GRK5: variants seen among roughly 807,000 people sequenced by gnomAD.
The protein encoded by GRK5 is G protein-coupled receptor kinase 5.
A neutral mutation model predicts 78.4 loss-of-function variants in GRK5; 40 were observed. The observed-to-expected ratio is 0.51, with a 90% confidence interval of 0.40 to 0.66. The LOEUF (loss-of-function observed/expected upper bound fraction) is 0.66, where lower values mean the gene tolerates loss of function less well. GRK5 is among the 30% of genes least tolerant of loss of function. The pLI is 0.00. For synonymous variants in GRK5, 289 were observed against 296.8 expected (o/e 0.97, Z 0.27); for missense variants, 598 against 759.9 (o/e 0.79, Z 2.50).
chr10:119,424,968 C>T (rs368025216), intron 5 of GRK5, 25 bp from the exon 6 acceptor site: 105 of 1,499,942 alleles, frequency 7.0e-5, no homozygotes, highest in Non-Finnish European at 9.6e-5. Flanking sequence ...ATAAAATGTT[C>T]ATCCTCTTGT....
chr10:119,443,537 C>A lies in GRK5; in HGVS notation c.1058-7C>A. On this transcript the variant is annotated splice_polypyrimidine_tract_variant and splice_region_variant and intron_variant, in intron 11 of 15. Transcript: ENST00000392870. Reference sequence around the variant, plus strand: ...CCTCACTCCTCTCTCCTCTCCTCTGCCCCCAGCTCCAGAGGTCCTGAACAA... The same window carrying A: ...CCTCACTCCTCTCTCCTCTCCTCTGACCCCAGCTCCAGAGGTCCTGAACAA... The A allele has an allele frequency of 1.3e-6, 2 of 1,598,760 alleles. No individual in the cohort carries two copies. Among genetic ancestry groups the A allele is most frequent in the Non-Finnish European group, 1.7e-6 (2 of 1,167,632 alleles).
In GRK5 at chr10:119,439,713, T is replaced by A; in HGVS notation, c.930-18T>A. 1 of 1,613,980 alleles carries A rather than the reference T, an allele frequency of 6.2e-7. No individual in the cohort carries two copies. The highest frequency in any genetic ancestry group is 8.5e-7 in the Non-Finnish European group (1 of 1,179,854). ...CCCAGAATGCCCACACTCTGATGCTTGTTGTTTTTCCTTTCAGAGATCTGA... is the reference window on the plus strand; with the variant it reads ...CCCAGAATGCCCACACTCTGATGCTAGTTGTTTTTCCTTTCAGAGATCTGA... On this transcript the variant is annotated intron_variant, in intron 9 of 15. Transcript: ENST00000392870.
chr10:119,417,038 G>T (rs562310120), intron 4 of GRK5, among the ~76,000 whole-genome samples: 1 of 152,330 alleles, frequency 6.6e-6, no homozygotes, highest in South Asian at 2.1e-4. Context: ...GGCCGTTGGG[G>T]TGAAGGAGCA....
intron 9 of GRK5, 79 bp from the exon 10 acceptor site, chr10:119,439,652 C>A: frequency 2.1e-6 from 3 of 1,412,518 alleles, no homozygotes; most frequent in African/African-American, 1.4e-5. Context: ...CTGATTAGCC[C>A]GAGGGGTCGA....
intron 1 of GRK5, among the ~76,000 whole-genome samples, chr10:119,275,628 C>CAA (rs1239503022): frequency 6.6e-6 from 1 of 151,926 alleles, no homozygotes; most frequent in Non-Finnish European, 1.5e-5. Context: ...CACACACACA[C>CAA]ACACACACAC....
chr10:119,211,267 A>G (rs767137274), intron 1 of GRK5, among the ~76,000 whole-genome samples: 2 of 152,224 alleles, frequency 1.3e-5, no homozygotes, highest in African/African-American at 2.4e-5. Context: ...AATTCATGGC[A>G]ATTTATGGGA....
rs943588312 is a variant in GRK5 at position 119,267,471 on chromosome 10, CAG to C, written c.53-59044_53-59043del. Among the ~76,000 whole-genome samples the C allele has an allele frequency of 4.6e-5, 7 of 152,208 alleles. No homozygotes were observed. Among genetic ancestry groups the C allele is most frequent in the African/African-American group, 1.7e-4 (7 of 41,442 alleles). On this transcript the variant is annotated intron_variant, in intron 1 of 15. Coordinates refer to ENST00000392870, the MANE Select transcript of GRK5 (RefSeq NM_005308.3). The surrounding 1 kb of genome is among the most constrained non-coding windows in gnomAD (Gnocchi z 4.1). ...TGGGGTCATACTTGTGGGGTCATAA[CAG>C]GGCCTTGGGCAGCAGACTCCTCACC...
At chr10:119,425,133 T>C (rs763875857) in intron 6 of GRK5, 48 bp downstream of exon 6, 15 of 1,315,942 alleles carry the variant, frequency 1.1e-5, no homozygotes, top group Non-Finnish European at 1.7e-5. Context: ...AGGGTACACA[T>C]TTTTCATCTG....
chr10:119,304,532 G>A (rs974001008), intron 1 of GRK5, among the ~76,000 whole-genome samples: 1 of 152,158 alleles, frequency 6.6e-6, no homozygotes, highest in Non-Finnish European at 1.5e-5. Flanking sequence ...ACAACCCTAG[G>A]CGGCAACATT....
chr10:119,209,162 A>T (rs915730952), intron 1 of GRK5, among the ~76,000 whole-genome samples: 3 of 152,152 alleles, frequency 2.0e-5, no homozygotes, highest in African/African-American at 7.2e-5. Context: ...ATTCGTGTTT[A>T]TTCAGCCCGT....
chr10:119,400,326 G>A lies in GRK5; in HGVS notation c.339+3554G>A, dbSNP rs111672724. On this transcript the variant is annotated intron_variant, in intron 4 of 15. Transcript: ENST00000392870. ...TGCTGAATCAGATCTTAAAGGATGT[G>A]GAGGAGGAAGCTGGACACAAAAGAA... 1.0e-3 allele frequency among the ~76,000 whole-genome samples: 154 copies of A among 152,340 alleles called. 1 individual carries two copies. Among genetic ancestry groups the A allele is most frequent in the African/African-American group, 3.4e-3 (143 of 41,588 alleles).
rs1411962081 is a variant in GRK5 at position 119,458,154 on chromosome 10, C to T, written c.*3087C>T. 6.6e-6 allele frequency: 1 copy of T among 152,228 alleles called. No homozygotes were observed. The highest frequency in any genetic ancestry group is 1.5e-5 in the Non-Finnish European group (1 of 68,036). The allele number at this position is 152,228 out of a possible 1,614,324, so 9.4% of individuals were successfully genotyped here. A position where few individuals can be genotyped will look rare whatever the true frequency, so the allele number is the denominator to read the frequency against. On this transcript the variant is annotated 3_prime_UTR_variant, in exon 16 of 16. Coordinates refer to ENST00000392870, the MANE Select transcript of GRK5 (RefSeq NM_005308.3). ...AGAGTCTTTCTTGCTCCAGGCATGACATTTTTTTTCACCAGACGTTCACTG... is the reference window on the plus strand; with the variant it reads ...AGAGTCTTTCTTGCTCCAGGCATGATATTTTTTTTCACCAGACGTTCACTG...
At chr10:119,329,789 G>A (rs529237269) in intron 2 of GRK5, among the ~76,000 whole-genome samples, 2 of 151,554 alleles carry the variant, frequency 1.3e-5, no homozygotes, top group Admixed American at 6.6e-5. Context: ...GCTTTTGCTG[G>A]CATAGCTGGT....
chr10:119,330,173 A>T (rs554264998), intron 2 of GRK5: 1 of 152,050 alleles, frequency 6.6e-6, no homozygotes, highest in Non-Finnish European at 1.5e-5. Flanking sequence ...TTTCTCCTTC[A>T]TGTAACCTAT....
At chr10:119,393,006 G>A (rs1851911053) in intron 3 of GRK5, among the ~76,000 whole-genome samples, 1 of 152,170 alleles carries the variant, frequency 6.6e-6, no homozygotes, top group South Asian at 2.1e-4. Flanking sequence ...TGGTTTCCAG[G>A]GTGGCCCCAG....
intron 14 of GRK5, 126 bp from the exon 15 acceptor site, chr10:119,453,019 T>C (rs1589819106): frequency 7.0e-6 from 6 of 862,432 alleles, no homozygotes; most frequent in Non-Finnish European, 1.2e-5. Flanking sequence ...GCCCAGCCCC[T>C]GAGACCTGGA....
chr10:119,452,571 G>T lies in GRK5; in HGVS notation c.1405-100G>T. ...CATAGCAGTTCTGGGGGTGTGTCCTGGGAAGACTCCCTTCTGCTCCCCAAA... is the reference window on the plus strand; with the variant it reads ...CATAGCAGTTCTGGGGGTGTGTCCTTGGAAGACTCCCTTCTGCTCCCCAAA... On this transcript the variant is annotated intron_variant, in intron 13 of 15. Transcript: ENST00000392870. This position sits in a 1 kb window ranked among gnomAD's most constrained non-coding sequence, Gnocchi z 4.4. 2 of 1,423,490 alleles carry T rather than the reference G, an allele frequency of 1.4e-6. No homozygotes were observed. The highest frequency in any genetic ancestry group is 9.7e-7 in the Non-Finnish European group (1 of 1,034,642). 88.2% of individuals were successfully genotyped at this position (1,423,490 alleles called of 1,614,324 possible).
intron 1 of GRK5, among the ~76,000 whole-genome samples, chr10:119,269,691 G>A: frequency 6.6e-6 from 1 of 151,782 alleles, no homozygotes. Context: ...AAATTAGCCG[G>A]GCATGGTGGT....
At chr10:119,438,899 C>A (rs1256905857) in intron 9 of GRK5, among the ~76,000 whole-genome samples, 2 of 152,238 alleles carry the variant, frequency 1.3e-5, no homozygotes, top group Non-Finnish European at 2.9e-5. Context: ...GGCTCACTGG[C>A]TGGATTTGGG....
Sources: gnomAD v4.1 joint callset for allele counts (sites outside exome capture counted in the v4.1 genomes callset) on GRCh38, gnomAD v4.1.1 for gene constraint, Gnocchi (gnomAD v3.1) non-coding constraint, MANE v1.5 for transcripts, NCBI Gene and HGNC (gene_info 2026-07-23, HGNC 2026-07-21) for gene names.